Variants in RBMS1 observed in about 807,000 individuals in gnomAD.
The protein encoded by RBMS1 is RNA-binding motif, single-stranded-interacting protein 1.
A neutral mutation model predicts 62.3 loss-of-function variants in RBMS1; 17 were observed. That is an observed-to-expected ratio of 0.27 (90% CI 0.19 to 0.41). RBMS1 has a LOEUF of 0.41. Among genes scored for constraint, RBMS1 ranks in the 10% least tolerant of loss-of-function variants. The pLI, the probability that RBMS1 is intolerant of heterozygous loss-of-function variation, is 1.00. For synonymous variants in RBMS1, 172 were observed against 170.0 expected, an observed-to-expected ratio of 1.01 and a Z score of -0.09; for missense variants, 334 against 504.5, an observed-to-expected ratio of 0.66 and a Z score of 3.24.
intron 1 of RBMS1, among the ~76,000 whole-genome samples, chr2:160,484,115 A>G (rs1281466415): frequency 6.6e-6 from 1 of 151,388 alleles, no homozygotes; most frequent in Non-Finnish European, 1.5e-5. Flanking sequence ...TTGGAATTAT[A>G]GGCATAGCCA....
At chr2:160,285,833 C>T (rs530923533) in intron 7 of RBMS1, among the ~76,000 whole-genome samples, 44 of 151,788 alleles carry the variant, frequency 2.9e-4, no homozygotes, top group Non-Finnish European at 5.0e-4. Flanking sequence ...AAAATTAGGC[C>T]GAGCACGATG....
intron 1 of RBMS1, among the ~76,000 whole-genome samples, chr2:160,436,042 C>T (rs1574055084): frequency 1.3e-5 from 2 of 152,282 alleles, no homozygotes; most frequent in East Asian, 3.9e-4. Flanking sequence ...GTTAAAGTCA[C>T]CCAGTTTAAC....
chr2:160,348,137 G>A (rs1441561542), intron 2 of RBMS1, among the ~76,000 whole-genome samples: 1 of 151,974 alleles, frequency 6.6e-6, no homozygotes, highest in Non-Finnish European at 1.5e-5. Flanking sequence ...TAGTGAGAAA[G>A]TAAACCATTA....
intron 10 of RBMS1, among the ~76,000 whole-genome samples, chr2:160,280,581 C>G (rs1168204440): frequency 6.6e-6 from 1 of 152,152 alleles, no homozygotes; most frequent in Admixed American, 6.5e-5. Flanking sequence ...ATATTGTGAA[C>G]TGTATTGCTT....
intron 1 of RBMS1, among the ~76,000 whole-genome samples, chr2:160,413,471 T>TA (rs1696105029): frequency 6.6e-6 from 1 of 152,206 alleles, no homozygotes; most frequent in Admixed American, 6.5e-5. Flanking sequence ...TTTTGCTTTT[T>TA]AAAAAATCTG....
intron 1 of RBMS1, among the ~76,000 whole-genome samples, chr2:160,451,016 T>C (rs1381224544): frequency 1.3e-5 from 2 of 152,018 alleles, no homozygotes; most frequent in Non-Finnish European, 2.9e-5. Flanking sequence ...ATCAGTCAGA[T>C]ATAGTGCTGC....
chr2:160,443,063 G>A (rs1375713433), intron 1 of RBMS1, among the ~76,000 whole-genome samples: 5 of 151,980 alleles, frequency 3.3e-5, no homozygotes, highest in Non-Finnish European at 5.9e-5. Flanking sequence ...AAAATTAGCC[G>A]GGTGTGGTGG....
chr2:160,325,826 T>C (rs1489913385), intron 2 of RBMS1, among the ~76,000 whole-genome samples: 3 of 152,196 alleles, frequency 2.0e-5, no homozygotes, highest in Non-Finnish European at 4.4e-5. Context: ...GGAGATGAGA[T>C]AGAAGATGTA....
chr2:160,322,543 A>G (rs536262632), intron 2 of RBMS1, among the ~76,000 whole-genome samples: 5 of 152,320 alleles, frequency 3.3e-5, no homozygotes, highest in African/African-American at 1.2e-4. Flanking sequence ...AGACTGAAAG[A>G]CTGTGATTTC....
At chr2:160,332,716 G>C (rs1265893169) in intron 2 of RBMS1, among the ~76,000 whole-genome samples, 1 of 151,982 alleles carries the variant, frequency 6.6e-6, no homozygotes, top group Non-Finnish European at 1.5e-5. Context: ...AGACCCCTCA[G>C]AGCCAAAAAG....
At chr2:160,483,645 G>A (rs1435051507) in intron 1 of RBMS1, among the ~76,000 whole-genome samples, 3 of 152,324 alleles carry the variant, frequency 2.0e-5, no homozygotes, top group East Asian at 1.9e-4. Context: ...TGGAGTGGGA[G>A]TAGCTTATAC....
intron 2 of RBMS1, among the ~76,000 whole-genome samples, chr2:160,339,187 T>C (rs1208795216): frequency 6.6e-6 from 1 of 152,172 alleles, no homozygotes; most frequent in Admixed American, 6.5e-5. Context: ...AAAATTCTAT[T>C]GCATGTCATC....
At chr2:160,388,922 C>A (rs1164412273) in intron 1 of RBMS1, among the ~76,000 whole-genome samples, 1 of 152,248 alleles carries the variant, frequency 6.6e-6, no homozygotes, top group Non-Finnish European at 1.5e-5. Context: ...CAGTGACAGG[C>A]CAGATCTTTC....
chr2:160,378,144 GAAA>G (rs59577979), intron 1 of RBMS1, among the ~76,000 whole-genome samples: 54,104 of 141,738 alleles, frequency 0.38, 9,896 homozygotes, highest in East Asian at 0.54. Flanking sequence ...TTGCTTTAAA[GAAA>G]AAAAAAAAAG....
intron 1 of RBMS1, among the ~76,000 whole-genome samples, chr2:160,453,050 A>G (rs1315724672): frequency 6.6e-6 from 1 of 152,124 alleles, no homozygotes; most frequent in Non-Finnish European, 1.5e-5. Context: ...AGGGACAAGC[A>G]CTGGATAGGT....
At chr2:160,372,359 G>A (rs1573951424) in intron 1 of RBMS1, among the ~76,000 whole-genome samples, 1 of 151,540 alleles carries the variant, frequency 6.6e-6, no homozygotes, top group Non-Finnish European at 1.5e-5. Flanking sequence ...CCACCACCAC[G>A]ACCACCACCA....
chr2:160,444,639 C>T (rs1055807692), intron 1 of RBMS1, among the ~76,000 whole-genome samples: 9 of 152,136 alleles, frequency 5.9e-5, no homozygotes, highest in African/African-American at 1.7e-4. Flanking sequence ...AACTGTGTCT[C>T]CCAAAAATGG....
intron 1 of RBMS1, among the ~76,000 whole-genome samples, chr2:160,439,259 G>A (rs1262519368): frequency 7.2e-5 from 11 of 151,836 alleles, no homozygotes; most frequent in African/African-American, 2.4e-4. Flanking sequence ...CTTCCCAGAC[G>A]GGGTGGCTGC....
chr2:160,426,526 G>A (rs1682634439), intron 1 of RBMS1, among the ~76,000 whole-genome samples: 1 of 152,156 alleles, frequency 6.6e-6, no homozygotes, highest in Non-Finnish European at 1.5e-5. Context: ...TAGTGTCTCT[G>A]AAAGAAACTA....
Sources: allele counts gnomAD v4.1 joint callset (sites outside exome capture counted in the v4.1 genomes callset), GRCh38; gene constraint gnomAD v4.1.1; transcripts MANE v1.5; gene names NCBI Gene and HGNC (gene_info 2026-07-23, HGNC 2026-07-21).